Variants in ADAM32 observed in about 807,000 individuals in gnomAD.
ADAM32 encodes disintegrin and metalloproteinase domain-containing protein 32.
ADAM32 carries 89 observed loss-of-function variants against 114.9 expected under a neutral mutation model. The observed-to-expected ratio is 0.77, with a 90% confidence interval of 0.65 to 0.92. The LOEUF is 0.92. Ranked by LOEUF, ADAM32 falls within the 40% of genes least tolerant of loss-of-function variation. The pLI, the probability that ADAM32 is intolerant of heterozygous loss-of-function variation, is 0.00. For synonymous variants in ADAM32, 285 were observed against 307.5 expected (o/e 0.93, Z 0.77); for missense variants, 870 against 932.8 (o/e 0.93, Z 0.88).
intron 10 of ADAM32, among the ~76,000 whole-genome samples, chr8:39,170,960 A>C (rs1250335694): frequency 6.6e-6 from 1 of 152,050 alleles, no homozygotes; most frequent in Non-Finnish European, 1.5e-5. Flanking sequence ...ATTTTGACAG[A>C]GTCTTGCTTT....
chr8:39,134,104 C>T (rs1017341878), intron 2 of ADAM32, among the ~76,000 whole-genome samples: 2 of 152,100 alleles, frequency 1.3e-5, no homozygotes, highest in African/African-American at 2.4e-5. Context: ...TTCCAGCTGG[C>T]GTTGCGCTGC....
intron 11 of ADAM32, among the ~76,000 whole-genome samples, chr8:39,201,772 A>T (rs1007512993): frequency 5.3e-5 from 8 of 152,104 alleles, no homozygotes; most frequent in African/African-American, 1.9e-4. Flanking sequence ...GTTTGTCATA[A>T]ATAGCTCTTA....
chr8:39,203,598 G>C (rs1807595752), intron 11 of ADAM32, among the ~76,000 whole-genome samples: 1 of 152,176 alleles, frequency 6.6e-6, no homozygotes, highest in Non-Finnish European at 1.5e-5. Context: ...TTGCCAGTCT[G>C]TGTCTTTTAA....
intron 11 of ADAM32, among the ~76,000 whole-genome samples, chr8:39,191,467 T>TA (rs1383837000): frequency 1.3e-5 from 2 of 152,236 alleles, no homozygotes; most frequent in Admixed American, 6.5e-5. Flanking sequence ...AGACGGTATC[T>TA]CATTGTAGTT....
chr8:39,169,944 G>T lies in ADAM32; in HGVS notation c.862G>T (p.Ala288Ser). 2 of 1,599,704 alleles carry T rather than the reference G, an allele frequency of 1.3e-6. No homozygotes were observed. Among genetic ancestry groups the T allele is most frequent in the Non-Finnish European group, 1.7e-6 (2 of 1,170,626 alleles). The change falls in exon 10 of 25, where the codon GCA becomes TCA. Residue 288 changes from alanine (A) to serine (S), a missense_variant. Transcript: ENST00000379907. Reference sequence around the variant, plus strand: ...TATGGATTATCCTCGTTATTTGGGAGCAGTGTTTCCTGGAACAATGTGTAT... The same window carrying T: ...TATGGATTATCCTCGTTATTTGGGATCAGTGTTTCCTGGAACAATGTGTAT... ...IYMDYPRYLG[A>S]VFPGTMCITR...
chr8:39,226,717 C>G (rs80266844), intron 14 of ADAM32, among the ~76,000 whole-genome samples: 1 of 151,818 alleles, frequency 6.6e-6, no homozygotes, highest in Non-Finnish European at 1.5e-5. Context: ...CTAAGACAAA[C>G]AAAAGCTCAA....
rs760256356 is a variant in ADAM32, at chr8:39,151,411, A to G, written c.388A>G (p.Ile130Val). ...GCAATTTGAAAATGTTTCTTATGGA[A>G]TTGAGCCTCTGGAATCTGCAGTTGA... The part of the protein sequence containing the change: ...ILQFENVSYG[I>V]EPLESAVEFQ... The change falls in exon 6 of 25, where the codon ATT becomes GTT. Residue 130 changes from isoleucine (I) to valine (V), a missense_variant. Transcript: ENST00000379907. 2 of 1,597,450 alleles carry G rather than the reference A, an allele frequency of 1.3e-6. No individual in the cohort carries two copies. The highest frequency in any genetic ancestry group is 1.7e-6 in the Non-Finnish European group (2 of 1,174,736).
At chr8:39,125,174 G>A (rs564267030) in intron 2 of ADAM32, among the ~76,000 whole-genome samples, 16 of 151,986 alleles carry the variant, frequency 1.1e-4, no homozygotes, top group South Asian at 2.1e-4. Flanking sequence ...CACATCCTTC[G>A]CCCAATTTTT....
chr8:39,252,854 C>A (rs920411530), intron 17 of ADAM32, among the ~76,000 whole-genome samples: 3 of 151,442 alleles, frequency 2.0e-5, no homozygotes, highest in East Asian at 3.9e-4. Context: ...CCTGCCAAGA[C>A]TGAATCAAGA....
At chr8:39,266,055 T>C (rs947791439) in intron 19 of ADAM32, among the ~76,000 whole-genome samples, 3 of 152,184 alleles carry the variant, frequency 2.0e-5, no homozygotes, top group African/African-American at 7.2e-5. Flanking sequence ...GGGGTTCCCT[T>C]TGTAGGTGAC....
At chr8:39,175,838 T>C (rs1196002184) in intron 10 of ADAM32, among the ~76,000 whole-genome samples, 1 of 152,172 alleles carries the variant, frequency 6.6e-6, no homozygotes, top group Non-Finnish European at 1.5e-5. Context: ...GGCTATTCAT[T>C]AGTTCTGCCT....
chr8:39,188,789 A>G, intron 11 of ADAM32, among the ~76,000 whole-genome samples: 1 of 152,288 alleles, frequency 6.6e-6, no homozygotes, highest in Admixed American at 6.5e-5. Context: ...ATGCTTTCAT[A>G]TATAATCTCC....
intron 6 of ADAM32, among the ~76,000 whole-genome samples, chr8:39,151,924 A>G (rs1429648728): frequency 6.6e-6 from 1 of 151,882 alleles, no homozygotes. Flanking sequence ...CAATCTCCCA[A>G]AATGTTGAGA....
chr8:39,193,089 T>C (rs1403850815), intron 11 of ADAM32, among the ~76,000 whole-genome samples: 1 of 152,212 alleles, frequency 6.6e-6, no homozygotes, highest in Non-Finnish European at 1.5e-5. Context: ...TCCTGAAATA[T>C]GTTTTCCAAG....
intron 9 of ADAM32, chr8:39,166,945 T>C (rs1428205223): frequency 2.0e-5 from 3 of 152,246 alleles, no homozygotes; most frequent in East Asian, 3.8e-4. Context: ...TAGTCCTTTG[T>C]CAGATGTATA....
chr8:39,247,233 G>A (rs1326173055), intron 17 of ADAM32, among the ~76,000 whole-genome samples: 1 of 152,108 alleles, frequency 6.6e-6, no homozygotes, highest in African/African-American at 2.4e-5. Context: ...TGTGGTTGCT[G>A]TATCATATCG....
chr8:39,124,009 C>CTT (rs921833803), intron 2 of ADAM32, among the ~76,000 whole-genome samples: 2 of 143,514 alleles, frequency 1.4e-5, no homozygotes, highest in Admixed American at 7.0e-5. Context: ...GCCTGGCCTT[C>CTT]TTTTTTTTTT....
At chr8:39,143,814 C>G (rs546442926) in intron 3 of ADAM32, among the ~76,000 whole-genome samples, 1 of 152,208 alleles carries the variant, frequency 6.6e-6, no homozygotes, top group African/African-American at 2.4e-5. Context: ...GCCCTGCCCC[C>G]AGAGGTGGAA....
intron 11 of ADAM32, among the ~76,000 whole-genome samples, chr8:39,192,924 C>A (rs1487275725): frequency 6.6e-6 from 1 of 152,072 alleles, no homozygotes; most frequent in African/African-American, 2.4e-5. Flanking sequence ...GTGACCTGTC[C>A]TTTCTATCTG....
Sources: allele counts gnomAD v4.1 joint callset (sites outside exome capture counted in the v4.1 genomes callset), GRCh38; gene constraint gnomAD v4.1.1; transcripts MANE v1.5; gene names NCBI Gene and HGNC (gene_info 2026-07-23, HGNC 2026-07-21).